Variants in CDH9 observed in about 807,000 individuals in gnomAD.
CDH9 encodes cadherin 9, also known as cadherin-9.
In CDH9, 28 loss-of-function variants were observed where a neutral mutation model predicts 70.9. The observed-to-expected ratio is 0.40, with a 90% CI of 0.29 to 0.54. CDH9 has a LOEUF of 0.54. CDH9 is among the 20% of genes least tolerant of loss of function. The pLI is 0.59. For synonymous variants in CDH9, 409 were observed against 343.1 expected (o/e 1.19, Z -2.12); for missense variants, 874 against 984.4 (o/e 0.89, Z 1.50).
intron 1 of CDH9, among the ~76,000 whole-genome samples, chr5:27,017,650 C>T (rs920570003): frequency 2.6e-5 from 4 of 151,870 alleles, no homozygotes; most frequent in African/African-American, 9.7e-5. Flanking sequence ...ATATTTATTT[C>T]GTCATCAAGT....
intron 1 of CDH9, among the ~76,000 whole-genome samples, chr5:27,001,348 C>A (rs1177915159): frequency 6.6e-6 from 1 of 152,042 alleles, no homozygotes; most frequent in African/African-American, 2.4e-5. Context: ...AAGTTGTTTT[C>A]CGCAAGGGTA....
chr5:26,892,928 T>G (rs1740686001), intron 7 of CDH9, among the ~76,000 whole-genome samples: 4 of 151,858 alleles, frequency 2.6e-5, no homozygotes, highest in Admixed American at 2.6e-4. Context: ...AGAGACAGGG[T>G]TTCACCGTGT....
intron 2 of CDH9, among the ~76,000 whole-genome samples, chr5:26,980,602 G>T (rs1579491473): frequency 6.6e-6 from 1 of 151,886 alleles, no homozygotes; most frequent in Non-Finnish European, 1.5e-5. Flanking sequence ...GAGTACAGTT[G>T]CAATATTTGT....
At chr5:26,928,865 C>T (rs540287206) in intron 2 of CDH9, among the ~76,000 whole-genome samples, 7 of 151,664 alleles carry the variant, frequency 4.6e-5, no homozygotes, top group African/African-American at 1.7e-4. Flanking sequence ...AAACTTAAAT[C>T]TAAGATTTCA....
chr5:26,921,788 A>G (rs1035533407), intron 2 of CDH9, among the ~76,000 whole-genome samples: 1 of 152,028 alleles, frequency 6.6e-6, no homozygotes, highest in Non-Finnish European at 1.5e-5. Flanking sequence ...AGAACCGAGG[A>G]CTCCACACTT....
intron 2 of CDH9, among the ~76,000 whole-genome samples, chr5:26,966,959 A>T (rs1579482912): frequency 6.6e-6 from 1 of 151,884 alleles, no homozygotes; most frequent in East Asian, 1.9e-4. Flanking sequence ...TTGTGACAGG[A>T]TCTCACTCTG....
At chr5:26,988,907 A>G (rs937390482) in intron 1 of CDH9, among the ~76,000 whole-genome samples, 7 of 152,148 alleles carry the variant, frequency 4.6e-5, no homozygotes, top group African/African-American at 1.4e-4. Flanking sequence ...GGCAAATTAT[A>G]TGGTACCAAA....
At chr5:26,886,128 G>A in intron 9 of CDH9, 45 bp from the exon 10 acceptor site, 2 of 1,540,492 alleles carry the variant, frequency 1.3e-6, no homozygotes, top group South Asian at 1.3e-5. Context: ...CTAAGGCAAT[G>A]TTCTTGTTAT....
chr5:26,910,171 T>C (rs1263470726), intron 3 of CDH9, among the ~76,000 whole-genome samples: 1 of 152,098 alleles, frequency 6.6e-6, no homozygotes, highest in Non-Finnish European at 1.5e-5. Context: ...GTTTGAAATA[T>C]TTAAAATCGC....
At chr5:26,950,821 C>A (rs1287394018) in intron 2 of CDH9, among the ~76,000 whole-genome samples, 1 of 151,742 alleles carries the variant, frequency 6.6e-6, no homozygotes, top group Non-Finnish European at 1.5e-5. Context: ...GAGTAAAATC[C>A]AATTTGTTGT....
chr5:26,944,020 C>T (rs1263412274), intron 2 of CDH9, among the ~76,000 whole-genome samples: 5 of 152,108 alleles, frequency 3.3e-5, no homozygotes, highest in African/African-American at 4.8e-5. Flanking sequence ...ATTGCATTCT[C>T]TCATTCTTAT....
At chr5:27,021,472 A>G (rs1743137440) in intron 1 of CDH9, among the ~76,000 whole-genome samples, 2 of 151,924 alleles carry the variant, frequency 1.3e-5, no homozygotes, top group Non-Finnish European at 2.9e-5. Context: ...TATAAGCCTC[A>G]TATAACTTCC....
intron 9 of CDH9, among the ~76,000 whole-genome samples, chr5:26,886,730 G>A (rs1218664414): frequency 1.3e-5 from 2 of 152,080 alleles, no homozygotes; most frequent in Non-Finnish European, 1.5e-5. Context: ...CAATGTTGAA[G>A]TTTCAAAATT....
chr5:26,981,996 C>T (rs1445907054), intron 2 of CDH9, among the ~76,000 whole-genome samples: 1 of 152,026 alleles, frequency 6.6e-6, no homozygotes, highest in Non-Finnish European at 1.5e-5. Context: ...TTCTCCCCAT[C>T]CCTCTCTCCA....
rs144868562 is a variant in CDH9, at chr5:26,960,040, T to G, written c.228+28066A>C. ...TGTTAATAACACCTCAAAAAGTAAA[T>G]TTATGTAACATAGGAATTTGGATCG... is the stretch of plus-strand genomic sequence containing the variant. On this transcript the variant is annotated intron_variant, in intron 2 of 11. Coordinates refer to ENST00000231021, the MANE Select transcript of CDH9 (RefSeq NM_016279.4). 6.8e-4 allele frequency among the ~76,000 whole-genome samples: 103 copies of G among 152,066 alleles called. 3 individuals are homozygous for G. Among genetic ancestry groups the G allele is most frequent in the African/African-American group, 2.3e-3 (97 of 41,540 alleles).
In CDH9 at chr5:27,032,577, T is replaced by TAAGCAGG. The variant is rs1243244299; in HGVS notation, c.-50+5885_-50+5886insCCTGCTT. On this transcript the variant is annotated intron_variant, in intron 1 of 11. Transcript: ENST00000231021. Reference sequence around the variant, plus strand: ...CAACAGTTGAACCTATTCCACTCCCTGCTTAATACATGTGTAAATGCTTTA... The same window carrying TAAGCAGG: ...CAACAGTTGAACCTATTCCACTCCCTAAGCAGGGCTTAATACATGTGTAAATGCTTTA... 1.9e-4 allele frequency among the ~76,000 whole-genome samples: 29 copies of TAAGCAGG among 151,816 alleles called. No homozygotes were observed. In the East Asian group the frequency reaches 5.6e-3, roughly 30 times the overall value.
chr5:26,943,022 T>A (rs10078082), intron 2 of CDH9, among the ~76,000 whole-genome samples: 3,593 of 152,290 alleles, frequency 0.024, 145 homozygotes, highest in African/African-American at 0.081. Context: ...TCCTGTTATA[T>A]GGGACAAGAC....
At chr5:26,954,423 T>C (rs1213685342) in intron 2 of CDH9, among the ~76,000 whole-genome samples, 11 of 138,040 alleles carry the variant, frequency 8.0e-5, no homozygotes, top group East Asian at 4.9e-4. Context: ...CTCGCTCTGT[T>C]GCCCAGGCTG....
chr5:26,926,488 A>G (rs1422979821), intron 2 of CDH9, among the ~76,000 whole-genome samples: 1 of 152,170 alleles, frequency 6.6e-6, no homozygotes, highest in African/African-American at 2.4e-5. Context: ...GATAGGAAGA[A>G]TCAATATCAT....
Sources: allele counts gnomAD v4.1 joint callset (sites outside exome capture counted in the v4.1 genomes callset), GRCh38; gene constraint gnomAD v4.1.1; transcripts MANE v1.5; gene names NCBI Gene and HGNC (gene_info 2026-07-23, HGNC 2026-07-21).